The following KCNIP4 variants were observed in gnomAD, a reference collection of about 807,000 sequenced individuals.
KCNIP4 encodes Kv channel-interacting protein 4.
In KCNIP4, 12 loss-of-function variants were observed where a neutral mutation model predicts 34.0. The ratio of observed to expected loss-of-function variants is 0.35; its 90% CI spans 0.23 to 0.57. The LOEUF (loss-of-function observed/expected upper bound fraction) is 0.57. Among genes scored for constraint, KCNIP4 ranks in the 20% least tolerant of loss-of-function variants. KCNIP4 has a pLI of 0.83. For synonymous variants in KCNIP4, 124 were observed against 102.2 expected (o/e 1.21, Z -1.29); for missense variants, 238 against 311.7 (o/e 0.76, Z 1.78).
chr4:21,075,902 T>C (rs1003181505), intron 1 of KCNIP4, among the ~76,000 whole-genome samples: 1 of 152,162 alleles, frequency 6.6e-6, no homozygotes, highest in African/African-American at 2.4e-5. Flanking sequence ...TTACGAAGCT[T>C]AGTTTGGCTG....
intron 1 of KCNIP4, among the ~76,000 whole-genome samples, chr4:21,039,794 C>G (rs150820912): frequency 6.6e-6 from 1 of 152,146 alleles, no homozygotes; most frequent in East Asian, 1.9e-4. Flanking sequence ...AATAAATGCT[C>G]ATTTAATTAA....
At chr4:20,970,499 A>G (rs1442523402) in intron 1 of KCNIP4, among the ~76,000 whole-genome samples, 3 of 152,152 alleles carry the variant, frequency 2.0e-5, no homozygotes, top group South Asian at 2.1e-4. Context: ...ATGGTTCTCA[A>G]TGAGGGTTAG....
intron 1 of KCNIP4, among the ~76,000 whole-genome samples, chr4:21,489,337 A>C (rs1732177861): frequency 6.6e-6 from 1 of 151,492 alleles, no homozygotes; most frequent in Non-Finnish European, 1.5e-5. Context: ...AAAAAAAAAA[A>C]ACTCCTTCCA....
chr4:21,452,581 GC>G (rs1311575215), intron 1 of KCNIP4, among the ~76,000 whole-genome samples: 1 of 151,968 alleles, frequency 6.6e-6, no homozygotes, highest in African/African-American at 2.4e-5. Context: ...ACTTAAAACA[GC>G]CCTTAGCACA....
intron 1 of KCNIP4, among the ~76,000 whole-genome samples, chr4:21,473,536 G>A (rs1730643363): frequency 6.6e-6 from 1 of 152,070 alleles, no homozygotes; most frequent in South Asian, 2.1e-4. Context: ...TGTCCTTTGG[G>A]AGTTCAGATT....
In KCNIP4 at chr4:21,683,446, A is replaced by AT. The variant is rs71191533; in HGVS notation, c.61+265124dup. Among the ~76,000 whole-genome samples the AT allele has an allele frequency of 3.0e-3, 139 of 46,608 alleles. 43 individuals carry two copies. Among genetic ancestry groups the AT allele is most frequent in the Non-Finnish European group, 3.5e-3 (85 of 24,000 alleles). The allele number at this position is 46,608 out of a possible 152,430, so 30.6% of individuals were successfully genotyped here. A position where few individuals can be genotyped will look rare whatever the true frequency, so the allele number is the denominator to read the frequency against. On this transcript the variant is annotated intron_variant, in intron 1 of 8. Transcript: ENST00000382152. ...TACGACTAATGATTGGTGAAGCCAG[A>AT]TTTTTTTTTTTTTTTTTTTTTTTTT...
intron 1 of KCNIP4, among the ~76,000 whole-genome samples, chr4:21,894,801 A>G (rs1727291945): frequency 6.6e-6 from 1 of 152,174 alleles, no homozygotes; most frequent in Non-Finnish European, 1.5e-5. Flanking sequence ...TCTTTTACAC[A>G]AGGCAGGGAT....
chr4:21,762,606 T>C (rs534533034), intron 1 of KCNIP4, among the ~76,000 whole-genome samples: 1 of 152,264 alleles, frequency 6.6e-6, no homozygotes, highest in South Asian at 2.1e-4. Flanking sequence ...CCAAGGGTAC[T>C]GTTCCTCATC....
chr4:21,547,039 G>A (rs1205371289), intron 1 of KCNIP4, among the ~76,000 whole-genome samples: 1 of 152,068 alleles, frequency 6.6e-6, no homozygotes, highest in Non-Finnish European at 1.5e-5. Flanking sequence ...TCATATTGCT[G>A]GGTTTGGCTT....
intron 1 of KCNIP4, among the ~76,000 whole-genome samples, chr4:21,094,440 G>T (rs1025347761): frequency 1.3e-5 from 2 of 152,180 alleles, no homozygotes; most frequent in African/African-American, 4.8e-5. Context: ...CTAGAAGATT[G>T]CCAGAGATGT....
chr4:21,789,642 G>A (rs983523475), intron 1 of KCNIP4, among the ~76,000 whole-genome samples: 1 of 152,184 alleles, frequency 6.6e-6, no homozygotes, highest in Non-Finnish European at 1.5e-5. Context: ...GTCTTTCCTA[G>A]TTAGCTCATC....
At chr4:21,353,225 A>G (rs1490217878) in intron 1 of KCNIP4, among the ~76,000 whole-genome samples, 2 of 152,204 alleles carry the variant, frequency 1.3e-5, no homozygotes, top group African/African-American at 2.4e-5. Context: ...TCTAAAAACC[A>G]GAGCACCTCT....
intron 1 of KCNIP4, among the ~76,000 whole-genome samples, chr4:21,793,225 C>T (rs1230218682): frequency 6.6e-6 from 1 of 152,114 alleles, no homozygotes; most frequent in Non-Finnish European, 1.5e-5. Context: ...ATCATGAAAC[C>T]TGTGCACATT....
intron 3 of KCNIP4, among the ~76,000 whole-genome samples, chr4:20,832,726 T>TAA (rs34577392): frequency 5.6e-5 from 8 of 142,054 alleles, no homozygotes; most frequent in African/African-American, 2.1e-4. Context: ...GCTTTTTATT[T>TAA]AAAAAAAAAA....
chr4:21,190,123 A>G (rs1212169105), intron 1 of KCNIP4, among the ~76,000 whole-genome samples: 1 of 152,212 alleles, frequency 6.6e-6, no homozygotes, highest in Non-Finnish European at 1.5e-5. Flanking sequence ...CTAATTTTGC[A>G]TGTTCCCAAA....
At chr4:21,306,280 C>T (rs1712453876) in intron 1 of KCNIP4, among the ~76,000 whole-genome samples, 1 of 152,182 alleles carries the variant, frequency 6.6e-6, no homozygotes, top group Admixed American at 6.5e-5. Flanking sequence ...TCCAACAGGG[C>T]TTTAAATGAA....
chr4:20,989,693 G>A (rs1247076741), intron 1 of KCNIP4, among the ~76,000 whole-genome samples: 16 of 152,146 alleles, frequency 1.1e-4, no homozygotes, highest in Non-Finnish European at 2.4e-4. Flanking sequence ...CATTGGCCAG[G>A]CACTGTGACT....
At chr4:21,746,362 G>A (rs1716775175) in intron 1 of KCNIP4, among the ~76,000 whole-genome samples, 1 of 152,080 alleles carries the variant, frequency 6.6e-6, no homozygotes, top group South Asian at 2.1e-4. Flanking sequence ...ATAAGTAAAG[G>A]AATGCTAATT....
chr4:21,435,460 A>G (rs557469807), intron 1 of KCNIP4, among the ~76,000 whole-genome samples: 26 of 152,268 alleles, frequency 1.7e-4, no homozygotes, highest in Admixed American at 6.5e-4. Flanking sequence ...TCACCTCTTC[A>G]TTGTTTATCA....
Sources: gnomAD v4.1 joint callset for allele counts (sites outside exome capture counted in the v4.1 genomes callset) on GRCh38, gnomAD v4.1.1 for gene constraint, MANE v1.5 for transcripts, NCBI Gene and HGNC (gene_info 2026-07-23, HGNC 2026-07-21) for gene names.